The following ANKRD50 variants were observed in gnomAD, a reference collection of about 807,000 sequenced individuals.
The protein encoded by ANKRD50 is ankyrin repeat domain-containing protein 50.
ANKRD50 carries 40 observed loss-of-function variants against 112.0 expected under a neutral mutation model. The observed-to-expected ratio is 0.36, with a 90% confidence interval of 0.28 to 0.46. The LOEUF (loss-of-function observed/expected upper bound fraction) is 0.46, where lower values mean the gene tolerates loss of function less well. ANKRD50 is among the 20% of genes least tolerant of loss of function. The pLI, the probability that ANKRD50 is intolerant of heterozygous loss-of-function variation, is 1.00. For synonymous variants in ANKRD50, 613 were observed against 619.1 expected, an observed-to-expected ratio of 0.99 and a Z score of 0.15; for missense variants, 1,487 against 1,701.7, an observed-to-expected ratio of 0.87 and a Z score of 2.22.
chr4:124,665,081 G>A lies in ANKRD50; in HGVS notation c.*2437C>T, dbSNP rs1053351736. On this transcript the variant is annotated 3_prime_UTR_variant, in exon 5 of 5. Coordinates refer to ENST00000504087, the MANE Select transcript of ANKRD50 (RefSeq NM_020337.3). ...TATCTATTAAGGAGTTTTATATTTGGAGGACAATTTTTACTTTTTAATGGA... is the reference window on the plus strand; with the variant it reads ...TATCTATTAAGGAGTTTTATATTTGAAGGACAATTTTTACTTTTTAATGGA... 9.2e-5 allele frequency: 14 copies of A among 151,746 alleles called. No homozygotes were observed. The highest frequency in any genetic ancestry group is 3.4e-4 in the African/African-American group (14 of 41,382). The allele number at this position is 151,746 out of a possible 1,614,324, so 9.4% of individuals were successfully genotyped here.
intron 2 of ANKRD50, among the ~76,000 whole-genome samples, chr4:124,688,106 T>C (rs1003569610): frequency 6.6e-6 from 1 of 152,216 alleles, no homozygotes; most frequent in Admixed American, 6.5e-5. Flanking sequence ...GTACAGGATC[T>C]TCTACTAGTG....
chr4:124,687,570 A>G (rs1197657734), intron 2 of ANKRD50, among the ~76,000 whole-genome samples: 1 of 152,208 alleles, frequency 6.6e-6, no homozygotes, highest in Non-Finnish European at 1.5e-5. Flanking sequence ...AGATACTGTT[A>G]AGATAATGAA....
At chr4:124,696,136 A>G (rs1441931253) in intron 2 of ANKRD50, among the ~76,000 whole-genome samples, 1 of 152,140 alleles carries the variant, frequency 6.6e-6, no homozygotes, top group Non-Finnish European at 1.5e-5. Flanking sequence ...AAAGTAGAGT[A>G]GATGGATAAA....
At chr4:124,668,566 C>G (rs1730550276) in intron 4 of ANKRD50, among the ~76,000 whole-genome samples, 1 of 151,958 alleles carries the variant, frequency 6.6e-6, no homozygotes, top group African/African-American at 2.4e-5. Context: ...ATCTGGGATC[C>G]ATAAGTAGTA....
intron 2 of ANKRD50, among the ~76,000 whole-genome samples, chr4:124,690,827 C>A (rs1357180004): frequency 2.0e-5 from 3 of 152,100 alleles, no homozygotes; most frequent in Non-Finnish European, 4.4e-5. Context: ...TGAGAGATGG[C>A]AAGACCAAGT....
chr4:124,685,643 T>C (rs28399027), intron 2 of ANKRD50, among the ~76,000 whole-genome samples: 40,117 of 152,036 alleles, frequency 0.26, 5,603 homozygotes, highest in African/African-American at 0.37. Context: ...AAGATAACAC[T>C]GTATTTAAAA....
At position 124,672,187 on chromosome 4, in the gene ANKRD50, A is replaced by C; in HGVS notation, c.1090T>G (p.Leu364Val). Residue 364 changes from leucine (L) to valine (V), a missense_variant, in exon 4 of 5, where the codon TTG becomes GTG. By Grantham distance (32) the Leu-to-Val change is conservative. This residue lies in a region of ANKRD50 where 1,046 missense variants were observed against 1,269.5 expected (regional missense o/e 0.82). Transcript: ENST00000504087. ...GCGTGATATAATTCCGTTATGGTCAAAGGTCGGCAGGCTGCAAGAATCACA... is the reference window on the plus strand; with the variant it reads ...GCGTGATATAATTCCGTTATGGTCACAGGTCGGCAGGCTGCAAGAATCACA... ...LNVILAACRP[L>V]TITELYHAVW... 1 of 1,613,892 alleles carries C rather than the reference A, an allele frequency of 6.2e-7. No individual in the cohort carries two copies. The highest frequency in any genetic ancestry group is 8.5e-7 in the Non-Finnish European group (1 of 1,179,854).
Position 124,669,752 on chromosome 4 carries a change from C to T in ANKRD50, c.3525G>A (p.Gln1175=), listed in dbSNP as rs1217618342. The T allele has an allele frequency of 9.3e-6, 15 of 1,613,444 alleles. No individual in the cohort carries two copies. The highest frequency in any genetic ancestry group is 7.6e-6 in the Non-Finnish European group (9 of 1,179,762). Residue 1175 remains glutamine (Q), a synonymous_variant, in exon 4 of 5, where the codon CAG becomes CAA. Coordinates refer to ENST00000504087, the MANE Select transcript of ANKRD50 (RefSeq NM_020337.3). ...SESPDSTVDR[Q]KSSLSNNSLK... The stretch of plus-strand genomic sequence containing the variant: ...GGGAATTATTTGACAGTGATGACTT[C>T]TGCCGGTCAACTGTAGAATCTGGAG...
At chr4:124,677,887 C>T (rs1307264618) in intron 3 of ANKRD50, among the ~76,000 whole-genome samples, 1 of 152,036 alleles carries the variant, frequency 6.6e-6, no homozygotes, top group Non-Finnish European at 1.5e-5. Flanking sequence ...CTATGCCTGA[C>T]ATACTAAATG....
chr4:124,688,648 AG>A (rs201611107), intron 2 of ANKRD50, among the ~76,000 whole-genome samples: 2,117 of 152,320 alleles, frequency 0.014, 29 homozygotes, highest in Non-Finnish European at 0.019. Context: ...ATATTGAGCA[AG>A]TCACTGTTAA....
chr4:124,692,053 T>TA (rs1370824263), intron 2 of ANKRD50, among the ~76,000 whole-genome samples: 1 of 152,234 alleles, frequency 6.6e-6, no homozygotes, highest in Non-Finnish European at 1.5e-5. Flanking sequence ...AAGGGAAAAA[T>TA]AAAAAATTAC....
At chr4:124,693,632 T>C (rs934620353) in intron 2 of ANKRD50, among the ~76,000 whole-genome samples, 1 of 152,128 alleles carries the variant, frequency 6.6e-6, no homozygotes, top group African/African-American at 2.4e-5. Flanking sequence ...AATTTAATGG[T>C]TTTCAATTGT....
chr4:124,700,315 G>A (rs934435680), intron 2 of ANKRD50, among the ~76,000 whole-genome samples: 1 of 152,214 alleles, frequency 6.6e-6, no homozygotes, highest in African/African-American at 2.4e-5. Flanking sequence ...ACCATGTAGA[G>A]CTTAGGTTTT....
chr4:124,697,738 T>C (rs751310128), intron 2 of ANKRD50, among the ~76,000 whole-genome samples: 1 of 151,690 alleles, frequency 6.6e-6, no homozygotes, highest in Non-Finnish European at 1.5e-5. Context: ...GAACACTAAA[T>C]AGACTAATAC....
intron 2 of ANKRD50, among the ~76,000 whole-genome samples, chr4:124,691,477 C>T (rs28457011): frequency 0.012 from 1,338 of 110,724 alleles, 30 homozygotes; most frequent in African/African-American, 0.045. Flanking sequence ...CCGGCCTGGG[C>T]GACAGAGCGA....
intron 2 of ANKRD50, among the ~76,000 whole-genome samples, chr4:124,693,408 G>T (rs1011744512): frequency 3.9e-5 from 6 of 152,034 alleles, no homozygotes; most frequent in Admixed American, 2.6e-4. Flanking sequence ...TGCTTGAAAT[G>T]ATTTTTCTGA....
In ANKRD50 at chr4:124,710,456, T is replaced by C; in HGVS notation, c.56A>G (p.Gln19Arg). 1 of 1,614,060 alleles carries C rather than the reference T, an allele frequency of 6.2e-7. No homozygotes were observed. The change falls in exon 2 of 5, where the codon CAA (glutamine) becomes CGA (arginine). Residue 19 changes from glutamine to arginine, a missense_variant. Physicochemically the swap from Gln to Arg is conservative, Grantham distance 43. Transcript: ENST00000504087. ...VCKMAQTSLL[Q>R]GKQFYCREWV... is the part of the protein sequence containing the mutation. Reference sequence around the variant, plus strand: ...CTCCCTACAGTAAAACTGCTTCCCTTGCAGTAAACTGGTTTGAGCCATTTT... The same window carrying C: ...CTCCCTACAGTAAAACTGCTTCCCTCGCAGTAAACTGGTTTGAGCCATTTT...
At chr4:124,693,265 G>A (rs1161186395) in intron 2 of ANKRD50, among the ~76,000 whole-genome samples, 1 of 152,124 alleles carries the variant, frequency 6.6e-6, no homozygotes, top group African/African-American at 2.4e-5. Flanking sequence ...TTAAGGTCTT[G>A]TAACTGAATA....
chr4:124,665,361 A>T lies in ANKRD50; in HGVS notation c.*2157T>A, dbSNP rs1730462867. On this transcript the variant is annotated 3_prime_UTR_variant, in exon 5 of 5. Transcript: ENST00000504087. ...ATGAAAACAGTTAGCTCTTTGAAAA[A>T]CATAAATCCCTTATGCAATGTCATA... 1 of 152,378 alleles carries T rather than the reference A, an allele frequency of 6.6e-6. No homozygotes were observed. The highest frequency in any genetic ancestry group is 1.5e-5 in the Non-Finnish European group (1 of 67,870). 9.4% of individuals were successfully genotyped at this position (152,378 alleles called of 1,614,324 possible).
Sources: allele counts gnomAD v4.1 joint callset (sites outside exome capture counted in the v4.1 genomes callset), GRCh38; gene constraint gnomAD v4.1.1; regional missense constraint gnomAD v4.1.1; transcripts MANE v1.5; gene names NCBI Gene and HGNC (gene_info 2026-07-23, HGNC 2026-07-21).